The following MFSD12 variants were observed in gnomAD, a reference collection of about 807,000 sequenced individuals.
The protein encoded by MFSD12 is major facilitator superfamily domain containing 12.
MFSD12 carries 67 observed loss-of-function variants against 51.2 expected under a neutral mutation model. That is an observed-to-expected ratio of 1.31 (90% CI 1.08 to 1.60). The LOEUF is 1.60. Ranked by LOEUF, MFSD12 falls within the 40% of genes most tolerant of loss-of-function variation. MFSD12 has a pLI of 0.00. For synonymous variants in MFSD12, 441 were observed against 316.7 expected, an observed-to-expected ratio of 1.39 and a Z score of -4.17; for missense variants, 921 against 673.0, an observed-to-expected ratio of 1.37 and a Z score of -4.08.
At chr19:3,543,495 C>A, downstream of MFSD12, 3 of 1,521,500 alleles carry the variant, frequency 2.0e-6, no homozygotes, top group Non-Finnish European at 1.8e-6. Context: ...CCCCCCCGCC[C>A]TGGGCAGCGG....
chr19:3,543,079 G>T, downstream of MFSD12: 2 of 1,580,456 alleles, frequency 1.3e-6, no homozygotes, highest in South Asian at 2.3e-5. Flanking sequence ...CTGGGGTGAG[G>T]GGTACAGGGC....
intron 6 of MFSD12, among the ~76,000 whole-genome samples, 154 bp downstream of exon 6, chr19:3,547,118 G>A (rs899011724): frequency 2.6e-5 from 4 of 152,162 alleles, no homozygotes; most frequent in Non-Finnish European, 5.9e-5. Context: ...GATTACAGGC[G>A]TGAGCCACCG....
At chr19:3,545,195 C>T (rs148065426) in intron 8 of MFSD12, among the ~76,000 whole-genome samples, 128 of 152,276 alleles carry the variant, frequency 8.4e-4, no homozygotes, top group Middle Eastern at 3.4e-3. Context: ...CAGCATGGCC[C>T]GCCTGCACCC....
At position 3,557,212 on chromosome 19, in the gene MFSD12, C is replaced by T; in HGVS notation, c.192G>A (p.Leu64=). ...TGCACAGCCCGTCGGCCACCTGGCC[C>T]AGCAGCAGCAGCAGCCCCGCGCCGC... is the stretch of plus-strand genomic sequence containing the variant. ...SSRGAGLLLL[L]GQVADGLCTP... is the part of the protein sequence containing the mutation. Residue 64 remains leucine (L), a synonymous_variant, in exon 1 of 10, where the codon CTG becomes CTA. Coordinates refer to ENST00000355415, the MANE Select transcript of MFSD12 (RefSeq NM_174983.5). 2 of 1,558,812 alleles carry T rather than the reference C, an allele frequency of 1.3e-6. No homozygotes were observed. Among genetic ancestry groups the T allele is most frequent in the Non-Finnish European group, 1.7e-6 (2 of 1,153,370 alleles).
Position 3,544,400 on chromosome 19 carries a change from G to C in MFSD12, c.*310C>G, listed in dbSNP as rs1048657039. On this transcript the variant is annotated 3_prime_UTR_variant, in exon 10 of 10. Transcript: ENST00000355415. ...GTGAACTGGACTGAGCTCAGGGTTAGGGTTCCCCCAGACCCTTCTGGGATT... is the reference window on the plus strand; with the variant it reads ...GTGAACTGGACTGAGCTCAGGGTTACGGTTCCCCCAGACCCTTCTGGGATT... The C allele has an allele frequency of 7.6e-6, 10 of 1,311,728 alleles. No individual in the cohort carries two copies. The African/African-American group carries it at 1.2e-4, about 16-fold the overall frequency. 81.3% of individuals were successfully genotyped at this position (1,311,728 alleles called of 1,614,324 possible).
At chr19:3,538,797 G>A (rs749704938) in intron 4 of MFSD12, 3 of 542,036 alleles carry the variant, frequency 5.5e-6, no homozygotes, top group African/African-American at 3.8e-5. Flanking sequence ...GAGTGGGTGA[G>A]GAGTGAGGAG....
intron 2 of MFSD12, among the ~76,000 whole-genome samples, chr19:3,549,908 C>T (rs1195216853): frequency 6.6e-6 from 1 of 152,118 alleles, no homozygotes; most frequent in Non-Finnish European, 1.5e-5. Context: ...CGTGCCACTG[C>T]ACTCCAGCCT....
downstream of MFSD12, chr19:3,543,643 G>T (rs528421087): frequency 2.6e-6 from 4 of 1,543,638 alleles, no homozygotes; most frequent in Non-Finnish European, 2.6e-6. Context: ...GGGGGAGCGC[G>T]CTGTGGAAAG....
downstream of MFSD12, among the ~76,000 whole-genome samples, chr19:3,540,409 T>C (rs1050843687): frequency 4.6e-5 from 7 of 151,606 alleles, no homozygotes; most frequent in Admixed American, 1.3e-4. Flanking sequence ...AGGCATGCGC[T>C]ACCATGCCCA....
intron 1 of MFSD12, among the ~76,000 whole-genome samples, chr19:3,555,468 G>C (rs72976635): frequency 6.6e-6 from 1 of 152,110 alleles, no homozygotes; most frequent in Non-Finnish European, 1.5e-5. Context: ...GGCATTTGGG[G>C]CCCTGGGCTC....
At position 3,547,977 on chromosome 19, in the gene MFSD12, GT is replaced by G. The variant is rs1414756026; in HGVS notation, c.707del (p.His236ProfsTer50). 4 of 1,598,348 alleles carry G rather than the reference GT, an allele frequency of 2.5e-6. No homozygotes were observed. Among genetic ancestry groups the G allele is most frequent in the Non-Finnish European group, 3.4e-6 (4 of 1,179,008 alleles). ...GCCGGCGCCTCTCCCGGGTGCCCAGGTGGAATAGCAGTGAGAACACGGCGCC... is the reference window on the plus strand; with the variant it reads ...GCCGGCGCCTCTCCCGGGTGCCCAGGGGAATAGCAGTGAGAACACGGCGCC... ...GVGAVFSLLF[H>X]LGTRERRRPH... On this transcript the variant is annotated frameshift_variant, in exon 4 of 10. Transcript: ENST00000355415. LOFTEE classifies it high-confidence loss of function.
chr19:3,543,195 G>A (rs751120411), downstream of MFSD12: 20 of 1,531,296 alleles, frequency 1.3e-5, no homozygotes, highest in South Asian at 2.2e-4. Flanking sequence ...AGCACTCGCT[G>A]TAGACATGGG....
At chr19:3,550,041 G>C (rs995550600) in intron 2 of MFSD12, among the ~76,000 whole-genome samples, 1 of 145,340 alleles carries the variant, frequency 6.9e-6, no homozygotes, top group Non-Finnish European at 1.5e-5. Flanking sequence ...GCTGGCCTCA[G>C]AAGCAGCAGC....
chr19:3,543,045 A>G, downstream of MFSD12: 7 of 1,605,188 alleles, frequency 4.4e-6, no homozygotes, highest in Non-Finnish European at 5.9e-6. Context: ...AGGGGGAGTC[A>G]GCCTCTCTCC....
Position 3,547,239 on chromosome 19 carries a change from C to T in MFSD12, c.1023+33G>A, listed in dbSNP as rs369504818. On this transcript the variant is annotated intron_variant, in intron 6 of 9. Coordinates refer to ENST00000355415, the MANE Select transcript of MFSD12 (RefSeq NM_174983.5). Reference sequence around the variant, plus strand: ...CTCGGCTGCAGGGCACCCCATCCTCCGCCCCAGCTGTCCCCGGTCCCCGCC... The same window carrying T: ...CTCGGCTGCAGGGCACCCCATCCTCTGCCCCAGCTGTCCCCGGTCCCCGCC... 5.8e-5 allele frequency: 92 copies of T among 1,585,410 alleles called. 2 individuals are homozygous for T. Among genetic ancestry groups the T allele is most frequent in the South Asian group, 4.0e-4 (36 of 90,508 alleles).
At chr19:3,538,708 G>C (rs371836277) in exon 5 of MFSD12, 2 of 474,498 alleles carry the variant, frequency 4.2e-6, no homozygotes, top group South Asian at 3.1e-5. Context: ...TCTCCGCCTC[G>C]GGCTGTCACA....
At position 3,547,871 on chromosome 19, in the gene MFSD12, G is replaced by C; in HGVS notation, c.814C>G (p.Leu272Val). Residue 272 changes from leucine to valine, a missense_variant, in exon 4 of 10, where the codon CTC becomes GTC. Transcript: ENST00000355415. ...AQPLLLWKHW[L>V]REPAFYQVGI... Reference sequence around the variant, plus strand: ...ACCTGGTAGAAAGCCGGCTCCCGGAGCCAGTGCTTCCAGAGCAGCAGGGGC... The same window carrying C: ...ACCTGGTAGAAAGCCGGCTCCCGGACCCAGTGCTTCCAGAGCAGCAGGGGC... 4 of 1,529,780 alleles carry C rather than the reference G, an allele frequency of 2.6e-6. No individual in the cohort carries two copies. Among genetic ancestry groups the C allele is most frequent in the Non-Finnish European group, 3.5e-6 (4 of 1,145,114 alleles). The allele number at this position is 1,529,780 out of a possible 1,614,324, so 94.8% of individuals were successfully genotyped here.
chr19:3,544,381 T>C lies in MFSD12; in HGVS notation c.*329A>G, dbSNP rs2030756912. Reference sequence around the variant, plus strand: ...CCCAGGCTGGAGGTGAGGGGTGAACTGGACTGAGCTCAGGGTTAGGGTTCC... The same window carrying C: ...CCCAGGCTGGAGGTGAGGGGTGAACCGGACTGAGCTCAGGGTTAGGGTTCC... On this transcript the variant is annotated 3_prime_UTR_variant, in exon 10 of 10. Transcript: ENST00000355415. 2 of 1,288,574 alleles carry C rather than the reference T, an allele frequency of 1.6e-6. No homozygotes were observed. Among genetic ancestry groups the C allele is most frequent in the Middle Eastern group, 3.0e-4 (1 of 3,380 alleles). The allele number at this position is 1,288,574 out of a possible 1,614,324, so 79.8% of individuals were successfully genotyped here. A position where few individuals can be genotyped will look rare whatever the true frequency, so the allele number is the denominator to read the frequency against.
At chr19:3,541,387 A>G (rs1023155018), downstream of MFSD12, among the ~76,000 whole-genome samples, 43 of 149,704 alleles carry the variant, frequency 2.9e-4, no homozygotes, top group Admixed American at 5.3e-4. Flanking sequence ...CAGTGGAATG[A>G]TCTCAGCTCA....
Sources: allele counts gnomAD v4.1 joint callset (sites outside exome capture counted in the v4.1 genomes callset), GRCh38; gene constraint gnomAD v4.1.1; transcripts MANE v1.5; gene names NCBI Gene and HGNC (gene_info 2026-07-23, HGNC 2026-07-21).